Variants in SYNE2 observed in about 807,000 individuals in gnomAD.
The protein encoded by SYNE2 is spectrin repeat containing nuclear envelope protein 2.
SYNE2 carries 431 observed loss-of-function variants against 856.3 expected under a neutral mutation model. The observed-to-expected ratio is 0.50, with a 90% confidence interval of 0.47 to 0.55. The LOEUF (loss-of-function observed/expected upper bound fraction) is 0.55. Among genes scored for constraint, SYNE2 ranks in the 20% least tolerant of loss-of-function variants. The pLI, the probability that SYNE2 is intolerant of heterozygous loss-of-function variation, is 0.00. For synonymous variants in SYNE2, 2,923 were observed against 2,872.3 expected (o/e 1.02, Z -0.56); for missense variants, 8,129 against 8,023.2 (o/e 1.01, Z -0.50).
chr14:64,018,365 G>C, intron 34 of SYNE2, among the ~76,000 whole-genome samples: 1 of 152,076 alleles, frequency 6.6e-6, no homozygotes, highest in East Asian at 1.9e-4. Flanking sequence ...TCAGCCTCCT[G>C]AGTACACTGG....
intron 108 of SYNE2, among the ~76,000 whole-genome samples, chr14:64,217,337 TC>T (rs2098671344): frequency 1.3e-5 from 2 of 152,234 alleles, no homozygotes; most frequent in Non-Finnish European, 2.9e-5. Flanking sequence ...GGCTGTTTCT[TC>T]TTAGTTACAT....
Position 64,141,338 on chromosome 14 carries a change from T to G in SYNE2, c.14977-3T>G. On this transcript the variant is annotated splice_region_variant and splice_polypyrimidine_tract_variant and intron_variant, in intron 80 of 115. Coordinates refer to ENST00000555002, the MANE Select transcript of SYNE2 (RefSeq NM_182914.3). ...GTTTCTAAATTTTAAAACTCTCCTT[T>G]AGGAGTTTTCAAAAGAAGTTGATGA... 6.2e-7 allele frequency: 1 copy of G among 1,612,320 alleles called. No homozygotes were observed. Among genetic ancestry groups the G allele is most frequent in the Non-Finnish European group, 8.5e-7 (1 of 1,179,114 alleles).
chr14:64,060,985 G>A (rs2097312312), intron 49 of SYNE2, among the ~76,000 whole-genome samples: 1 of 152,150 alleles, frequency 6.6e-6, no homozygotes. Context: ...TCCCTGCCAT[G>A]CTGCTGCTGC....
At chr14:63,942,772 G>C (rs1280092213) in intron 6 of SYNE2, among the ~76,000 whole-genome samples, 1 of 152,100 alleles carries the variant, frequency 6.6e-6, no homozygotes, top group Non-Finnish European at 1.5e-5. Flanking sequence ...TGAGATTACA[G>C]GTGTGAGCCA....
chr14:64,220,366 A>G (rs1355227625), intron 110 of SYNE2, 71 bp from the exon 111 acceptor site: 4 of 1,542,910 alleles, frequency 2.6e-6, no homozygotes, highest in Non-Finnish European at 3.6e-6. Context: ...TTTGTTCCCT[A>G]CTGAGGTTCA....
chr14:63,892,898 C>T (rs2095168336), intron 1 of SYNE2, among the ~76,000 whole-genome samples: 1 of 151,888 alleles, frequency 6.6e-6, no homozygotes, highest in South Asian at 2.1e-4. Context: ...TAAATTTATT[C>T]ATTCTCTTTT....
chr14:64,214,345 G>C lies in SYNE2; in HGVS notation c.19208G>C (p.Arg6403Pro). 1 of 1,614,098 alleles carries C rather than the reference G, an allele frequency of 6.2e-7. No homozygotes were observed. Among genetic ancestry groups the C allele is most frequent in the Non-Finnish European group, 8.5e-7 (1 of 1,180,008 alleles). Residue 6403 changes from arginine to proline, a missense_variant, in exon 106 of 116, where the codon CGG (arginine) becomes CCG (proline). Physicochemically the swap from Arg to Pro is moderately radical, Grantham distance 103. Transcript: ENST00000555002. ...CATCTAGTGGCCCCAGGGCACGAGCGGTCTGGCTGCGAGACCCCTGTCAGC... is the reference window on the plus strand; with the variant it reads ...CATCTAGTGGCCCCAGGGCACGAGCCGTCTGGCTGCGAGACCCCTGTCAGC... ...LCHLVAPGHE[R>P]SGCETPVSVD... is the part of the protein sequence containing the mutation.
chr14:64,144,058 C>T lies in SYNE2; in HGVS notation c.15483+110C>T. On this transcript the variant is annotated intron_variant, in intron 83 of 115. Transcript: ENST00000555002. The stretch of plus-strand genomic sequence containing the variant: ...TTGACTGATTATTAAGCCTAATAAT[C>T]ATCTCAACTATAGCCCTTTTATAAA... The T allele has an allele frequency of 3.2e-6, 4 of 1,259,406 alleles. No individual in the cohort carries two copies. The South Asian group carries it at 3.6e-5, about 11-fold the overall frequency. 78.0% of individuals were successfully genotyped at this position (1,259,406 alleles called of 1,614,324 possible). A position where few individuals can be genotyped will look rare whatever the true frequency, so the allele number is the denominator to read the frequency against.
intron 2 of SYNE2, among the ~76,000 whole-genome samples, chr14:63,939,693 G>A (rs950787474): frequency 3.3e-5 from 5 of 152,166 alleles, no homozygotes; most frequent in African/African-American, 1.2e-4. Context: ...TTATGTGCCA[G>A]AGTCTATGCT....
chr14:63,974,851 CAT>C (rs755694765), intron 11 of SYNE2, among the ~76,000 whole-genome samples: 7,114 of 51,034 alleles, frequency 0.14, 548 homozygotes, highest in African/African-American at 0.19. Context: ...TGTGTGTGTA[CAT>C]GTGTGTGTGT....
At chr14:63,857,694 C>T (rs1313397993) in intron 1 of SYNE2, among the ~76,000 whole-genome samples, 2 of 152,108 alleles carry the variant, frequency 1.3e-5, no homozygotes, top group African/African-American at 4.8e-5. Flanking sequence ...TTTTAATTTC[C>T]ATTTCCCTGA....
intron 1 of SYNE2, among the ~76,000 whole-genome samples, chr14:63,793,090 A>G (rs573724443): frequency 4.6e-5 from 7 of 152,346 alleles, no homozygotes; most frequent in African/African-American, 1.7e-4. Context: ...GAAGAGGCAC[A>G]TTATGTCACT....
At chr14:64,004,191 A>AT (rs35011962) in intron 30 of SYNE2, among the ~76,000 whole-genome samples, 18,911 of 138,224 alleles carry the variant, frequency 0.14, 1,781 homozygotes, top group African/African-American at 0.27. Flanking sequence ...TGCCTGGCTA[A>AT]TTTTTTTTTT....
chr14:64,153,160 A>C (rs142660733), intron 85 of SYNE2, among the ~76,000 whole-genome samples: 2,021 of 152,336 alleles, frequency 0.013, 18 homozygotes, highest in Non-Finnish European at 0.021. Flanking sequence ...GAGGACTCTA[A>C]AGTTTGGAAG....
chr14:64,139,337 G>A (rs1231836079), intron 79 of SYNE2, among the ~76,000 whole-genome samples: 1 of 151,582 alleles, frequency 6.6e-6, no homozygotes, highest in Admixed American at 6.6e-5. Context: ...AAAAATCTCT[G>A]TTCCTTCATT....
chr14:64,209,317 G>T (rs1277362536), intron 101 of SYNE2, 111 bp from the exon 102 acceptor site: 9 of 1,557,368 alleles, frequency 5.8e-6, no homozygotes, highest in African/African-American at 2.7e-5. Flanking sequence ...TTTCCCAGAA[G>T]GGGTAACAGG....
Position 64,051,898 on chromosome 14 carries a change from A to C in SYNE2, c.7985A>C (p.Asn2662Thr). 1.9e-6 allele frequency: 3 copies of C among 1,613,930 alleles called. No individual in the cohort carries two copies. Among genetic ancestry groups the C allele is most frequent in the Non-Finnish European group, 2.5e-6 (3 of 1,180,024 alleles). ...RLKSPEERAG[N>T]QSMIALTTDL... ...AAGTCTCCAGAAGAACGGGCAGGGA[A>C]CCAAAGCATGATTGCCTTGACCACT... Residue 2662 changes from asparagine (N) to threonine (T), a missense_variant, in exon 48 of 116, where the codon AAC (asparagine) becomes ACC (threonine). This residue lies in a region of SYNE2 where 5,410 missense variants were observed against 5,284.8 expected (regional missense o/e 1.02). Transcript: ENST00000555002.
intron 76 of SYNE2, among the ~76,000 whole-genome samples, chr14:64,131,563 T>G (rs1467298326): frequency 6.6e-6 from 1 of 152,166 alleles, no homozygotes; most frequent in African/African-American, 2.4e-5. Context: ...ATCTGTTTTT[T>G]GTTTGTTTGT....
chr14:63,883,425 A>G (rs925101688), intron 1 of SYNE2, among the ~76,000 whole-genome samples: 1 of 152,076 alleles, frequency 6.6e-6, no homozygotes, highest in African/African-American at 2.4e-5. Context: ...TGGTACAATC[A>G]TGGCTCACTG....
Sources: allele counts gnomAD v4.1 joint callset (sites outside exome capture counted in the v4.1 genomes callset), GRCh38; gene constraint gnomAD v4.1.1; regional missense constraint gnomAD v4.1.1; transcripts MANE v1.5; gene names NCBI Gene and HGNC (gene_info 2026-07-23, HGNC 2026-07-21).